The following ZC3H12C variants were observed in gnomAD, a reference collection of about 807,000 sequenced individuals.
ZC3H12C encodes the protein probable ribonuclease ZC3H12C.
A neutral mutation model predicts 76.3 loss-of-function variants in ZC3H12C; 20 were observed. The ratio of observed to expected loss-of-function variants is 0.26; its 90% confidence interval spans 0.18 to 0.38. ZC3H12C has a LOEUF of 0.38. ZC3H12C is among the 10% of genes least tolerant of loss of function. The pLI is 1.00. For synonymous variants in ZC3H12C, 352 were observed against 399.6 expected (o/e 0.88, Z 1.42); for missense variants, 874 against 1,086.5 (o/e 0.80, Z 2.75).
chr11:110,138,267 T>C (rs1047249371), intron 2 of ZC3H12C, among the ~76,000 whole-genome samples: 1 of 152,138 alleles, frequency 6.6e-6, no homozygotes, highest in African/African-American at 2.4e-5. Flanking sequence ...GTTCTTCCTC[T>C]GGAGAGCTTA....
At chr11:110,145,113 CCTCTATTAT>C (rs1862139175) in intron 2 of ZC3H12C, among the ~76,000 whole-genome samples, 1 of 152,142 alleles carries the variant, frequency 6.6e-6, no homozygotes, top group Non-Finnish European at 1.5e-5. Context: ...ACAAAACCCA[CCTCTATTAT>C]CTATTAACCA....
At chr11:110,094,124 A>G (rs967648114) in intron 1 of ZC3H12C, among the ~76,000 whole-genome samples, 1 of 152,314 alleles carries the variant, frequency 6.6e-6, no homozygotes, top group Non-Finnish European at 1.5e-5. Context: ...AAGCTGTCTC[A>G]TTTCAAGTCC....
intron 2 of ZC3H12C, among the ~76,000 whole-genome samples, chr11:110,142,735 A>G (rs555099497): frequency 6.6e-6 from 1 of 152,214 alleles, no homozygotes; most frequent in South Asian, 2.1e-4. Flanking sequence ...CCAGGCTTCT[A>G]TTTTCCTTTA....
chr11:110,139,330 G>T (rs1379820554), intron 2 of ZC3H12C, among the ~76,000 whole-genome samples: 1 of 152,156 alleles, frequency 6.6e-6, no homozygotes, highest in Non-Finnish European at 1.5e-5. Context: ...AAGTTGAAAA[G>T]GTTAAAGCCA....
intron 1 of ZC3H12C, among the ~76,000 whole-genome samples, chr11:110,104,855 T>G (rs1861293822): frequency 6.6e-6 from 1 of 152,256 alleles, no homozygotes; most frequent in Admixed American, 6.5e-5. Flanking sequence ...ACAGAGATTT[T>G]GTTTTGCTTT....
intron 1 of ZC3H12C, among the ~76,000 whole-genome samples, chr11:110,119,201 A>C (rs925948143): frequency 1.3e-5 from 2 of 152,206 alleles, no homozygotes; most frequent in Non-Finnish European, 2.9e-5. Context: ...CAAGTTGATA[A>C]GATATTAATA....
chr11:110,164,332 T>C lies in ZC3H12C; in HGVS notation c.1256-9T>C, dbSNP rs200378717. ...TGCTCCTTTGCCTAATTAATTTTAC[T>C]CTTCTTAGGAAAGAAGTGTACCTAT... On this transcript the variant is annotated splice_polypyrimidine_tract_variant and intron_variant, in intron 5 of 5. Coordinates refer to ENST00000278590, the MANE Select transcript of ZC3H12C (RefSeq NM_033390.2). The surrounding 1 kb of genome is among the most constrained non-coding windows in gnomAD (Gnocchi z 5.7). The C allele has an allele frequency of 2.9e-4, 466 of 1,584,502 alleles. 1 individual carries two copies. The African/African-American group carries it at 5.1e-3, about 17-fold the overall frequency.
At chr11:110,098,539 A>G (rs961083840) in intron 1 of ZC3H12C, among the ~76,000 whole-genome samples, 4 of 152,222 alleles carry the variant, frequency 2.6e-5, no homozygotes, top group Admixed American at 2.0e-4. Flanking sequence ...CCACTCACTC[A>G]CTGACTTATC....
rs755709266 is a variant in ZC3H12C, at chr11:110,165,764, G to A, written c.*27G>A. 1.3e-6 allele frequency: 2 copies of A among 1,539,850 alleles called. No individual in the cohort carries two copies. The highest frequency in any genetic ancestry group is 1.2e-5 in the South Asian group (1 of 81,396). On this transcript the variant is annotated 3_prime_UTR_variant, in exon 6 of 6. Coordinates refer to ENST00000278590, the MANE Select transcript of ZC3H12C (RefSeq NM_033390.2). ...AGATGATGCATCTTTGTGGTGTTTA[G>A]TAGTTTTTTGTTCAGCTCAAATGCT...
chr11:110,143,039 G>A (rs1163337886), intron 2 of ZC3H12C, among the ~76,000 whole-genome samples: 1 of 152,040 alleles, frequency 6.6e-6, no homozygotes, highest in Non-Finnish European at 1.5e-5. Context: ...TTGGTATATT[G>A]GAAAAGAGAT....
At chr11:110,102,306 G>A (rs990499141) in intron 1 of ZC3H12C, among the ~76,000 whole-genome samples, 3 of 150,126 alleles carry the variant, frequency 2.0e-5, no homozygotes, top group Non-Finnish European at 4.4e-5. Flanking sequence ...GGTCAAAATA[G>A]CATCAATAAT....
chr11:110,129,160 A>T (rs1861814368), intron 1 of ZC3H12C, among the ~76,000 whole-genome samples: 1 of 152,176 alleles, frequency 6.6e-6, no homozygotes, highest in Non-Finnish European at 1.5e-5. Flanking sequence ...CCTAGTAATT[A>T]TATTTAGTTC....
chr11:110,132,421 C>A (rs890611487), intron 1 of ZC3H12C, among the ~76,000 whole-genome samples: 7 of 152,134 alleles, frequency 4.6e-5, no homozygotes, highest in African/African-American at 1.7e-4. Flanking sequence ...ATTAGCTACA[C>A]TTCATCATCA....
chr11:110,139,869 C>CTTTTTTTT (rs58867910), intron 2 of ZC3H12C, among the ~76,000 whole-genome samples: 3 of 131,496 alleles, frequency 2.3e-5, no homozygotes, highest in Non-Finnish European at 4.8e-5. Flanking sequence ...CATATATTTT[C>CTTTTTTTT]TTTTTTTTTT....
At chr11:110,112,266 T>G (rs1374241362) in intron 1 of ZC3H12C, among the ~76,000 whole-genome samples, 1 of 152,138 alleles carries the variant, frequency 6.6e-6, no homozygotes, top group African/African-American at 2.4e-5. Context: ...TGGCACTATC[T>G]TGGCTCACTG....
Position 110,164,689 on chromosome 11 carries a change from C to T in ZC3H12C, c.1604C>T (p.Thr535Ile). The change falls in exon 6 of 6, where the codon ACT becomes ATT. Residue 535 changes from threonine to isoleucine, a missense_variant. Physicochemically the swap from Thr to Ile is moderately conservative, Grantham distance 89. This residue lies in a region of ZC3H12C where 269 missense variants were observed against 424.9 expected (regional missense o/e 0.63). Coordinates refer to ENST00000278590, the MANE Select transcript of ZC3H12C (RefSeq NM_033390.2). This position sits in a 1 kb window ranked among gnomAD's most constrained non-coding sequence, Gnocchi z 5.7. ...ACTTCTACTGCAAAACCCCAAAGCACTACATCTTTAAGCAATGGCCTTCCA... is the reference window on the plus strand; with the variant it reads ...ACTTCTACTGCAAAACCCCAAAGCATTACATCTTTAAGCAATGGCCTTCCA... ...PATSTAKPQS[T>I]TSLSNGLPSG... is the part of the protein sequence containing the mutation. The T allele has an allele frequency of 1.9e-6, 3 of 1,614,052 alleles. No homozygotes were observed. Among genetic ancestry groups the T allele is most frequent in the Non-Finnish European group, 2.5e-6 (3 of 1,179,894 alleles).
rs932912311 is a variant in ZC3H12C, at chr11:110,166,406, T to C, written c.*669T>C. ...TTTCGATGTGTTATTTTTGTTTGGA[T>C]TTTTTTTTCTGTTAAGAAATTAGTT... On this transcript the variant is annotated 3_prime_UTR_variant, in exon 6 of 6. Coordinates refer to ENST00000278590, the MANE Select transcript of ZC3H12C (RefSeq NM_033390.2). 3 of 151,700 alleles carry C rather than the reference T, an allele frequency of 2.0e-5. No homozygotes were observed. The highest frequency in any genetic ancestry group is 7.3e-5 in the African/African-American group (3 of 41,284). 9.4% of individuals were successfully genotyped at this position (151,700 alleles called of 1,614,324 possible).
chr11:110,160,983 C>T (rs1275573058), intron 4 of ZC3H12C, among the ~76,000 whole-genome samples: 6 of 150,888 alleles, frequency 4.0e-5, no homozygotes, highest in South Asian at 4.2e-4. Context: ...ATTACAGGCA[C>T]GCCCCATCAC....
intron 1 of ZC3H12C, among the ~76,000 whole-genome samples, chr11:110,101,834 G>C (rs1353819327): frequency 6.6e-6 from 1 of 152,028 alleles, no homozygotes; most frequent in Non-Finnish European, 1.5e-5. Flanking sequence ...AAAAGCGTGA[G>C]CCACCTCACC....
Sources: allele counts gnomAD v4.1 joint callset (sites outside exome capture counted in the v4.1 genomes callset), GRCh38; gene constraint gnomAD v4.1.1; regional missense constraint gnomAD v4.1.1; non-coding constraint Gnocchi (gnomAD v3.1); transcripts MANE v1.5; gene names NCBI Gene and HGNC (gene_info 2026-07-23, HGNC 2026-07-21).